MALRD1: variants seen among roughly 807,000 people sequenced by gnomAD.
The protein encoded by MALRD1 is MAM and LDL-receptor class A domain-containing protein 1.
In MALRD1, 247 loss-of-function variants were observed where a neutral mutation model predicts 242.1. The observed-to-expected ratio is 1.02, with a 90% confidence interval of 0.92 to 1.13. The LOEUF (loss-of-function observed/expected upper bound fraction) is 1.13. MALRD1 is among the 50% of genes most tolerant of loss of function. The pLI, the probability that MALRD1 is intolerant of heterozygous loss-of-function variation, is 0.00. For synonymous variants in MALRD1, 995 were observed against 866.6 expected (o/e 1.15, Z -2.60); for missense variants, 2,989 against 2,533.1 (o/e 1.18, Z -3.86).
intron 34 of MALRD1, among the ~76,000 whole-genome samples, chr10:19,604,112 G>C (rs957197324): frequency 6.6e-6 from 1 of 152,186 alleles, no homozygotes; most frequent in Non-Finnish European, 1.5e-5. Flanking sequence ...TAGGCTGAAA[G>C]CTGGGCCTCT....
At chr10:19,637,500 G>A (rs916465434) in intron 36 of MALRD1, among the ~76,000 whole-genome samples, 2 of 152,146 alleles carry the variant, frequency 1.3e-5, no homozygotes, top group Non-Finnish European at 1.5e-5. Context: ...TTGTGCTCAC[G>A]ATAAAACTGG....
chr10:19,671,346 G>A (rs1290664813), intron 36 of MALRD1, among the ~76,000 whole-genome samples: 6 of 152,056 alleles, frequency 3.9e-5, no homozygotes, highest in African/African-American at 1.2e-4. Context: ...GGCCAGGCAC[G>A]GTGACTCACA....
chr10:19,569,136 G>T (rs1222080702), intron 33 of MALRD1, among the ~76,000 whole-genome samples: 1 of 151,884 alleles, frequency 6.6e-6, no homozygotes, highest in East Asian at 1.9e-4. Context: ...TGCCATAATG[G>T]CTTTAATCAT....
intron 13 of MALRD1, among the ~76,000 whole-genome samples, chr10:19,174,166 G>A (rs955249056): frequency 6.6e-6 from 1 of 152,110 alleles, no homozygotes; most frequent in African/African-American, 2.4e-5. Flanking sequence ...AGATCTTTAT[G>A]GGCCTCTCTG....
intron 18 of MALRD1, among the ~76,000 whole-genome samples, chr10:19,252,457 A>G (rs1389993049): frequency 6.6e-6 from 1 of 152,102 alleles, no homozygotes; most frequent in East Asian, 1.9e-4. Flanking sequence ...AAAAGTTCTC[A>G]GCAAGCTATA....
intron 32 of MALRD1, among the ~76,000 whole-genome samples, chr10:19,566,386 G>A (rs369801346): frequency 2.1e-5 from 3 of 142,428 alleles, no homozygotes; most frequent in Admixed American, 7.7e-5. Context: ...TGATCTGCCC[G>A]CCTTGGCCTC....
In MALRD1 at chr10:19,149,074, G is replaced by GTTCA. The variant is rs1554798049; in HGVS notation, c.1558+2731_1558+2732insTCAT. On this transcript the variant is annotated intron_variant, in intron 11 of 39. Transcript: ENST00000454679. The stretch of plus-strand genomic sequence containing the variant: ...TTGCAGCTTTTAAATCTGTCTATCT[G>GTTCA]TCCATCTATCTATCTATCTATCTAT... 5.5e-5 allele frequency among the ~76,000 whole-genome samples: 6 copies of GTTCA among 108,412 alleles called. No homozygotes were observed. In the East Asian group the frequency reaches 1.8e-3, roughly 32 times the overall value. The allele number at this position is 108,412 out of a possible 152,430, so 71.1% of individuals were successfully genotyped here.
At chr10:19,478,946 A>G (rs1310152988) in intron 29 of MALRD1, among the ~76,000 whole-genome samples, 1 of 152,198 alleles carries the variant, frequency 6.6e-6, no homozygotes, top group Non-Finnish European at 1.5e-5. Flanking sequence ...TACCCAAAGT[A>G]TTTTAAATTC....
chr10:19,423,184 G>A (rs903186414), intron 28 of MALRD1, among the ~76,000 whole-genome samples: 1 of 151,972 alleles, frequency 6.6e-6, no homozygotes, highest in Non-Finnish European at 1.5e-5. Context: ...TTGTCAGATT[G>A]CAATTTATAT....
intron 29 of MALRD1, among the ~76,000 whole-genome samples, chr10:19,470,982 C>T (rs887877143): frequency 2.0e-5 from 3 of 151,664 alleles, no homozygotes; most frequent in Non-Finnish European, 4.4e-5. Context: ...TGTTGCCTTA[C>T]GTTAGGGGTT....
intron 19 of MALRD1, among the ~76,000 whole-genome samples, chr10:19,267,201 A>T (rs902487204): frequency 3.9e-5 from 6 of 151,992 alleles, no homozygotes; most frequent in Admixed American, 6.6e-5. Context: ...AGATATCAGC[A>T]TGCACATTAG....
At position 19,249,191 on chromosome 10, in the gene MALRD1, T is replaced by C. The variant is rs112719421; in HGVS notation, c.2992-8493T>C. Among the ~76,000 whole-genome samples, 139 of 151,202 alleles carry C rather than the reference T, an allele frequency of 9.2e-4. 2 individuals carry two copies. The highest frequency in any genetic ancestry group is 3.3e-3 in the African/African-American group (136 of 41,254). ...GTGATGCTTGATAAATAACCGAAGA[T>C]TGAAGGAAAGGACTTGGAAATGCAG... On this transcript the variant is annotated intron_variant, in intron 18 of 39. Coordinates refer to ENST00000454679, the MANE Select transcript of MALRD1 (RefSeq NM_001142308.3).
chr10:19,264,314 T>G (rs1402303151), intron 19 of MALRD1, among the ~76,000 whole-genome samples: 1 of 152,176 alleles, frequency 6.6e-6, no homozygotes, highest in Non-Finnish European at 1.5e-5. Context: ...CCTTTTACAC[T>G]GTTATTGAAA....
chr10:19,149,705 G>A (rs113261503), intron 11 of MALRD1, among the ~76,000 whole-genome samples: 3 of 152,022 alleles, frequency 2.0e-5, no homozygotes, highest in Admixed American at 6.6e-5. Context: ...TTGGTTAAAT[G>A]TAAAATTCAA....
chr10:19,517,931 G>A (rs1441340835), intron 31 of MALRD1, among the ~76,000 whole-genome samples: 1 of 152,128 alleles, frequency 6.6e-6, no homozygotes, highest in Non-Finnish European at 1.5e-5. Flanking sequence ...ATTAAATTTA[G>A]CAGAGTTTAT....
chr10:19,673,527 C>G (rs1842015587), intron 36 of MALRD1, among the ~76,000 whole-genome samples: 1 of 152,170 alleles, frequency 6.6e-6, no homozygotes, highest in South Asian at 2.1e-4. Context: ...TTAAGATGTT[C>G]ACATCTATAA....
At chr10:19,602,211 T>C (rs1838384171) in intron 34 of MALRD1, among the ~76,000 whole-genome samples, 1 of 150,302 alleles carries the variant, frequency 6.7e-6, no homozygotes, top group South Asian at 2.1e-4. Flanking sequence ...TTTTTTTTTT[T>C]ATACTTTAAG....
chr10:19,561,644 G>A (rs932948539), intron 32 of MALRD1, among the ~76,000 whole-genome samples: 2 of 152,016 alleles, frequency 1.3e-5, no homozygotes, highest in Non-Finnish European at 2.9e-5. Flanking sequence ...TTTAAATGGG[G>A]TTATGATTAG....
chr10:19,465,362 T>C (rs1836166895), intron 29 of MALRD1, among the ~76,000 whole-genome samples: 1 of 152,244 alleles, frequency 6.6e-6, no homozygotes, highest in South Asian at 2.1e-4. Flanking sequence ...TAAACGGTTT[T>C]TTATAAGGTA....
Sources: gnomAD v4.1 joint callset for allele counts (sites outside exome capture counted in the v4.1 genomes callset) on GRCh38, gnomAD v4.1.1 for gene constraint, MANE v1.5 for transcripts, NCBI Gene and HGNC (gene_info 2026-07-23, HGNC 2026-07-21) for gene names.